Variants in CREB5 observed in about 807,000 individuals in gnomAD.
CREB5 encodes the protein cyclic AMP-responsive element-binding protein 5.
In CREB5, 19 loss-of-function variants were observed where a neutral mutation model predicts 57.1. That is an observed-to-expected ratio of 0.33 (90% CI 0.23 to 0.49). The LOEUF is 0.49. Ranked by LOEUF, CREB5 falls within the 20% of genes least tolerant of loss-of-function variation. The pLI is 0.99. For missense variants in CREB5, 579 were observed against 671.6 expected (o/e 0.86, Z 1.52); for synonymous variants, 238 against 238.3 (o/e 1.00, Z 0.01).
intron 5 of CREB5, among the ~76,000 whole-genome samples, chr7:28,611,716 AATAT>A (rs967791813): frequency 6.8e-6 from 1 of 147,718 alleles, no homozygotes; most frequent in African/African-American, 2.5e-5. Flanking sequence ...AAATAAATAA[AATAT>A]ATATGTGCGA....
intron 1 of CREB5, among the ~76,000 whole-genome samples, chr7:28,346,196 TA>T (rs943848661): frequency 6.6e-6 from 1 of 152,246 alleles, no homozygotes; most frequent in African/African-American, 2.4e-5. Flanking sequence ...TTAGTCTATT[TA>T]GGTTGCTAAA....
At chr7:28,514,733 T>G (rs570937048) in intron 4 of CREB5, among the ~76,000 whole-genome samples, 1 of 152,258 alleles carries the variant, frequency 6.6e-6, no homozygotes. Context: ...ACAGGACATT[T>G]GTTCTGGCAA....
At chr7:28,607,681 C>T (rs939791806) in intron 5 of CREB5, among the ~76,000 whole-genome samples, 3 of 151,160 alleles carry the variant, frequency 2.0e-5, no homozygotes, top group African/African-American at 7.3e-5. Context: ...TGTTGAACCA[C>T]AAAATGATAA....
At chr7:28,527,810 C>A (rs534291101) in intron 4 of CREB5, among the ~76,000 whole-genome samples, 4 of 152,182 alleles carry the variant, frequency 2.6e-5, no homozygotes, top group African/African-American at 9.6e-5. Flanking sequence ...AGAGAGAGAT[C>A]CTGTCTCAAA....
intron 4 of CREB5, among the ~76,000 whole-genome samples, chr7:28,537,918 A>G (rs1794030869): frequency 6.6e-6 from 1 of 152,228 alleles, no homozygotes; most frequent in Non-Finnish European, 1.5e-5. Flanking sequence ...ACCTTTCACT[A>G]GTAATTCTCT....
intron 1 of CREB5, among the ~76,000 whole-genome samples, chr7:28,430,453 C>T (rs1788669363): frequency 6.6e-6 from 1 of 152,132 alleles, no homozygotes; most frequent in Non-Finnish European, 1.5e-5. Context: ...ACTTCACAGC[C>T]TCTTCAAGAG....
intron 1 of CREB5, among the ~76,000 whole-genome samples, chr7:28,469,545 A>G (rs920953648): frequency 1.3e-5 from 2 of 152,260 alleles, no homozygotes; most frequent in African/African-American, 4.8e-5. Flanking sequence ...TGTCTCTGCC[A>G]ATGAATGATA....
chr7:28,609,288 T>G (rs1039633324), intron 5 of CREB5, among the ~76,000 whole-genome samples: 1 of 152,212 alleles, frequency 6.6e-6, no homozygotes, highest in African/African-American at 2.4e-5. Context: ...TGGGGCAGTC[T>G]GTCCATTGCT....
chr7:28,612,232 A>G (rs902901115), intron 5 of CREB5, among the ~76,000 whole-genome samples: 4 of 151,950 alleles, frequency 2.6e-5, no homozygotes, highest in East Asian at 3.9e-4. Flanking sequence ...CAGAATCACA[A>G]ATATGTTCTG....
chr7:28,651,069 G>A (rs892769430), intron 5 of CREB5, among the ~76,000 whole-genome samples: 4 of 152,036 alleles, frequency 2.6e-5, no homozygotes, highest in African/African-American at 9.7e-5. Flanking sequence ...CATTGCTAGA[G>A]GACAGGATTT....
chr7:28,361,467 C>T (rs907540253), intron 1 of CREB5, among the ~76,000 whole-genome samples: 1 of 152,190 alleles, frequency 6.6e-6, no homozygotes, highest in Non-Finnish European at 1.5e-5. Context: ...AGGCCACATC[C>T]TTTTCCCTGC....
chr7:28,487,700 C>T (rs967451062), intron 1 of CREB5, among the ~76,000 whole-genome samples: 4 of 152,172 alleles, frequency 2.6e-5, no homozygotes, highest in Admixed American at 6.5e-5. Flanking sequence ...GTGGGTGTCT[C>T]ATTTCACCTG....
rs376714778 is a variant in CREB5 at position 28,512,665 on chromosome 7, G to A, written c.291+4928G>A. 6.1e-4 allele frequency among the ~76,000 whole-genome samples: 93 copies of A among 152,142 alleles called. No individual in the cohort carries two copies. The Middle Eastern group carries it at 0.017, about 28-fold the overall frequency. On this transcript the variant is annotated intron_variant, in intron 4 of 10. Coordinates refer to ENST00000357727, the MANE Select transcript of CREB5 (RefSeq NM_182898.4). ...ATAATAACTGTGTGTGTGTGTGTGT[G>A]TGTATGTGTGTGTGTGTAAGGAAGG...
intron 1 of CREB5, among the ~76,000 whole-genome samples, chr7:28,336,889 G>C (rs1401978437): frequency 2.6e-5 from 4 of 151,610 alleles, no homozygotes; most frequent in African/African-American, 7.3e-5. Context: ...TGGATATGTT[G>C]TGTTTCCGTC....
At chr7:28,406,003 T>C (rs959960866) in intron 1 of CREB5, among the ~76,000 whole-genome samples, 12 of 152,152 alleles carry the variant, frequency 7.9e-5, no homozygotes, top group Non-Finnish European at 1.8e-4. Context: ...GGGTGTTTTT[T>C]GCTTACTCCA....
chr7:28,786,640 G>C (rs907591267), intron 7 of CREB5, among the ~76,000 whole-genome samples: 1 of 152,198 alleles, frequency 6.6e-6, no homozygotes, highest in Admixed American at 6.5e-5. Flanking sequence ...TGGGAGGCAA[G>C]TCCTCCTCCC....
intron 5 of CREB5, among the ~76,000 whole-genome samples, chr7:28,614,853 C>G (rs987125678): frequency 6.6e-6 from 1 of 152,146 alleles, no homozygotes; most frequent in Non-Finnish European, 1.5e-5. Flanking sequence ...TTTAGCCTCT[C>G]TCAAGGTTAT....
intron 1 of CREB5, among the ~76,000 whole-genome samples, chr7:28,332,847 A>G (rs1000373483): frequency 1.4e-4 from 22 of 152,298 alleles, no homozygotes; most frequent in African/African-American, 5.3e-4. Flanking sequence ...GGATTCCTAT[A>G]ATGTATTTAA....
rs1381745186 is a variant in CREB5 at position 28,820,956 on chromosome 7, T to G, written c.*1677T>G. The G allele has an allele frequency of 6.6e-6, 1 of 152,608 alleles. No individual in the cohort carries two copies. Among genetic ancestry groups the G allele is most frequent in the African/African-American group, 2.4e-5 (1 of 41,438 alleles). The allele number at this position is 152,608 out of a possible 1,614,324, so 9.5% of individuals were successfully genotyped here. A position where few individuals can be genotyped will look rare whatever the true frequency, so the allele number is the denominator to read the frequency against. Reference sequence around the variant, plus strand: ...TCAACAACTTTTGTGAACTTGCCCGTGATACAAAGCAGATAGTCCCTGAAC... The same window carrying G: ...TCAACAACTTTTGTGAACTTGCCCGGGATACAAAGCAGATAGTCCCTGAAC... On this transcript the variant is annotated 3_prime_UTR_variant, in exon 11 of 11. Coordinates refer to ENST00000357727, the MANE Select transcript of CREB5 (RefSeq NM_182898.4).
Sources: gnomAD v4.1 joint callset for allele counts (sites outside exome capture counted in the v4.1 genomes callset) on GRCh38, gnomAD v4.1.1 for gene constraint, MANE v1.5 for transcripts, NCBI Gene and HGNC (gene_info 2026-07-23, HGNC 2026-07-21) for gene names.